The following EMG1 variants were observed in gnomAD, a reference collection of about 807,000 sequenced individuals.
EMG1 encodes ribosomal RNA small subunit methyltransferase NEP1.
A neutral mutation model predicts 26.9 loss-of-function variants in EMG1; 24 were observed. The ratio of observed to expected loss-of-function variants is 0.89; its 90% CI spans 0.65 to 1.26. The LOEUF is 1.26. Among genes scored for constraint, EMG1 ranks in the 50% most tolerant of loss-of-function variants. The pLI, the probability that EMG1 is intolerant of heterozygous loss-of-function variation, is 0.00. For synonymous variants in EMG1, 140 were observed against 112.6 expected, an observed-to-expected ratio of 1.24 and a Z score of -1.54; for missense variants, 299 against 307.6, an observed-to-expected ratio of 0.97 and a Z score of 0.21.
At chr12:6,985,752 G>T (rs1442826436) in intron 6 of EMG1, among the ~76,000 whole-genome samples, 2 of 151,650 alleles carry the variant, frequency 1.3e-5, no homozygotes, top group Non-Finnish European at 2.9e-5. Flanking sequence ...TGATCTTCCT[G>T]GTGCCAGGAT....
chr12:6,986,729 G>A (rs969818006), intron 6 of EMG1, among the ~76,000 whole-genome samples: 4 of 146,664 alleles, frequency 2.7e-5, no homozygotes, highest in Non-Finnish European at 5.9e-5. Flanking sequence ...GTTGCAGTGA[G>A]CAGAGATTGC....
chr12:6,974,504 G>A (rs782241980), intron 2 of EMG1, 48 bp from the exon 3 acceptor site: 23 of 1,608,910 alleles, frequency 1.4e-5, no homozygotes, highest in Middle Eastern at 1.7e-4. Flanking sequence ...GCAGCTGAGT[G>A]CTGCCTCTCT....
chr12:6,990,366 G>A (rs1272870802), downstream of EMG1, among the ~76,000 whole-genome samples: 4 of 150,612 alleles, frequency 2.7e-5, no homozygotes, highest in South Asian at 2.1e-4. Flanking sequence ...AAAATTAGCC[G>A]GGTGTGGTGG....
At chr12:6,981,734 G>C (rs1181964423), downstream of EMG1, 3 of 1,404,258 alleles carry the variant, frequency 2.1e-6, no homozygotes, top group African/African-American at 4.3e-5. Flanking sequence ...GGGGCGGAGG[G>C]GGGGTGCCGA....
At chr12:6,983,629 C>A, downstream of EMG1, 3 of 766,466 alleles carry the variant, frequency 3.9e-6, no homozygotes, top group Non-Finnish European at 6.7e-6. Flanking sequence ...AAACGCAGCC[C>A]AGAGGGAGAG....
At chr12:6,990,280 C>T (rs185444195), downstream of EMG1, among the ~76,000 whole-genome samples, 6 of 151,550 alleles carry the variant, frequency 4.0e-5, no homozygotes, top group African/African-American at 7.2e-5. Context: ...GAGGCTGAGG[C>T]GGGCGGATCA....
At chr12:6,996,166 C>T (rs1392826394) in intron 7 of EMG1, among the ~76,000 whole-genome samples, 1 of 152,202 alleles carries the variant, frequency 6.6e-6, no homozygotes, top group Non-Finnish European at 1.5e-5. Context: ...CCCTTCTGCT[C>T]CAGCCCCAAA....
downstream of EMG1, among the ~76,000 whole-genome samples, chr12:6,993,255 T>C (rs1555155715): frequency 6.6e-6 from 1 of 152,018 alleles, no homozygotes; most frequent in African/African-American, 2.4e-5. Context: ...CTGGCCAACA[T>C]GGTGAAACCC....
intron 7 of EMG1, among the ~76,000 whole-genome samples, chr12:6,996,259 A>G (rs1946635074): frequency 6.6e-6 from 1 of 152,236 alleles, no homozygotes; most frequent in African/African-American, 2.4e-5. Context: ...CTCTTTGCAC[A>G]GATAAGCTCA....
intron 5 of EMG1, 49 bp from the exon 6 acceptor site, chr12:6,975,647 A>C: frequency 7.8e-7 from 1 of 1,290,250 alleles, no homozygotes; most frequent in Non-Finnish European, 1.1e-6. Context: ...GAAGGGCTGA[A>C]ACAGCTACTG....
chr12:6,980,660 T>C (rs780665232), downstream of EMG1: 241 of 163,966 alleles, frequency 1.5e-3, 1 homozygote, highest in Non-Finnish European at 2.6e-3. Context: ...CCAGCCTCTA[T>C]CTACCTACCT....
chr12:6,996,225 A>G (rs957724731), intron 7 of EMG1, among the ~76,000 whole-genome samples: 1 of 152,202 alleles, frequency 6.6e-6, no homozygotes, highest in Admixed American at 6.5e-5. Flanking sequence ...GTGCCTTCAC[A>G]TGGTAAGTTC....
Position 6,979,047 on chromosome 12 carries a change from C to T in EMG1, c.*3238C>T. ...GAGAAACCTGCCCAGAATTACTGAA[C>T]TGTTTTCAAGCCTTTCAGCTGGGCA... On this transcript the variant is annotated 3_prime_UTR_variant, in exon 6 of 6. Coordinates refer to ENST00000599672, the MANE Select transcript of EMG1 (RefSeq NM_006331.8). 1 of 305,108 alleles carries T rather than the reference C, an allele frequency of 3.3e-6. No individual in the cohort carries two copies. Among genetic ancestry groups the T allele is most frequent in the Non-Finnish European group, 6.1e-6 (1 of 163,846 alleles). The allele number at this position is 305,108 out of a possible 1,614,324, so 18.9% of individuals were successfully genotyped here. A position where few individuals can be genotyped will look rare whatever the true frequency, so the allele number is the denominator to read the frequency against.
chr12:6,971,690 G>A (rs1555152300), intron 1 of EMG1, among the ~76,000 whole-genome samples: 1 of 152,136 alleles, frequency 6.6e-6, no homozygotes, highest in African/African-American at 2.4e-5. Context: ...GGAAAGTTTC[G>A]TTCCTTGCGT....
At chr12:6,990,916 CAA>C (rs59031613), downstream of EMG1, among the ~76,000 whole-genome samples, 14 of 68,090 alleles carry the variant, frequency 2.1e-4, no homozygotes, top group Non-Finnish European at 4.3e-4. Context: ...GACTCCAAAT[CAA>C]AAAAAAAAAA....
chr12:6,971,296 C>T (rs1195970289), intron 1 of EMG1, among the ~76,000 whole-genome samples: 8 of 139,226 alleles, frequency 5.7e-5, no homozygotes, highest in African/African-American at 2.3e-4. Flanking sequence ...TTTTTTGAGA[C>T]GGAGTCTCGC....
intron 1 of EMG1, among the ~76,000 whole-genome samples, chr12:6,971,683 A>G (rs781870392): frequency 4.1e-4 from 62 of 152,220 alleles, no homozygotes; most frequent in Non-Finnish European, 8.1e-4. Flanking sequence ...AAGCAGAGGA[A>G]AGTTTCGTTC....
chr12:6,981,762 T>C (rs1565598274), downstream of EMG1: 9 of 1,372,250 alleles, frequency 6.6e-6, no homozygotes, highest in Non-Finnish European at 9.2e-6. Flanking sequence ...TTTAGTGAGA[T>C]GGGGGAGGGA....
intron 1 of EMG1, among the ~76,000 whole-genome samples, chr12:6,972,694 C>T (rs782795481): frequency 1.1e-4 from 17 of 152,174 alleles, no homozygotes; most frequent in Non-Finnish European, 2.4e-4. Context: ...CCATCCTGCC[C>T]TGCTTACTCC....
Sources: allele counts gnomAD v4.1 joint callset (sites outside exome capture counted in the v4.1 genomes callset), GRCh38; gene constraint gnomAD v4.1.1; transcripts MANE v1.5; gene names NCBI Gene and HGNC (gene_info 2026-07-23, HGNC 2026-07-21).